Variants in PRICKLE1 observed in about 807,000 individuals in gnomAD.
The protein encoded by PRICKLE1 is prickle planar cell polarity protein 1.
PRICKLE1 carries 14 observed loss-of-function variants against 70.2 expected under a neutral mutation model. The observed-to-expected ratio is 0.20, with a 90% CI of 0.13 to 0.31. PRICKLE1 has a LOEUF of 0.31. PRICKLE1 is among the 10% of genes least tolerant of loss of function. The probability of loss-of-function intolerance (pLI) is 1.00; values close to 1 mark genes in which losing one functional copy is unlikely to be tolerated. For synonymous variants in PRICKLE1, 357 were observed against 379.9 expected (o/e 0.94, Z 0.70); for missense variants, 821 against 1,026.2 (o/e 0.80, Z 2.73).
At position 42,464,301 on chromosome 12, in the gene PRICKLE1, A is replaced by AT. The variant is rs1473818725; in HGVS notation, c.1639+93dup. 124 of 1,469,666 alleles carry AT rather than the reference A, an allele frequency of 8.4e-5. 1 individual carries two copies. The African/African-American group carries it at 1.5e-3, about 18-fold the overall frequency. The allele number at this position is 1,469,666 out of a possible 1,614,324, so 91.0% of individuals were successfully genotyped here. A position where few individuals can be genotyped will look rare whatever the true frequency, so the allele number is the denominator to read the frequency against. Reference sequence around the variant, plus strand: ...CTCCCATAGTGCTGGAATTATAGGCATGAGCCACTGCGCCTGGCTTGAATT... The same window carrying AT: ...CTCCCATAGTGCTGGAATTATAGGCATTGAGCCACTGCGCCTGGCTTGAATT... On this transcript the variant is annotated intron_variant, in intron 7 of 7. Transcript: ENST00000345127. The surrounding 1 kb of genome is among the most constrained non-coding windows in gnomAD (Gnocchi z 4.2).
chr12:42,477,054 C>G (rs143216207), intron 1 of PRICKLE1, among the ~76,000 whole-genome samples: 3 of 152,118 alleles, frequency 2.0e-5, no homozygotes, highest in Non-Finnish European at 4.4e-5. Flanking sequence ...ACAGTTCTTA[C>G]GCTTGTAAAA....
At chr12:42,472,100 C>T (rs954029747) in intron 2 of PRICKLE1, among the ~76,000 whole-genome samples, 1 of 152,178 alleles carries the variant, frequency 6.6e-6, no homozygotes, top group Non-Finnish European at 1.5e-5. Context: ...CCGAAATACA[C>T]ATAACCAATG....
intron 5 of PRICKLE1, among the ~76,000 whole-genome samples, chr12:42,468,044 CGTT>C (rs955961356): frequency 2.0e-5 from 3 of 152,042 alleles, no homozygotes; most frequent in African/African-American, 7.3e-5. Context: ...TTATGTAAGA[CGTT>C]AGTGTCAGGG....
chr12:42,589,375 G>T lies in PRICKLE1; in HGVS notation c.-49+90C>A, dbSNP rs1240622541. 6.6e-6 allele frequency: 1 copy of T among 152,336 alleles called. No individual in the cohort carries two copies. The highest frequency in any genetic ancestry group is 1.5e-5 in the Non-Finnish European group (1 of 68,172). 9.4% of individuals were successfully genotyped at this position (152,336 alleles called of 1,614,324 possible). On this transcript the variant is annotated intron_variant, in intron 1 of 7. Coordinates refer to ENST00000345127, the MANE Select transcript of PRICKLE1 (RefSeq NM_153026.3). This position sits in a 1 kb window ranked among gnomAD's most constrained non-coding sequence, Gnocchi z 5.0. ...ACAGACTCCGGCGGTGCCAGCGAAG[G>T]TGCCCGGCCCTACCCCTGCGGCGCT...
At chr12:42,576,403 A>G (rs1318811780) in intron 1 of PRICKLE1, among the ~76,000 whole-genome samples, 2 of 152,222 alleles carry the variant, frequency 1.3e-5, no homozygotes, top group Non-Finnish European at 2.9e-5. Flanking sequence ...CATACCCTGG[A>G]GCGCTAGCCT....
At chr12:42,462,446 C>A (rs1937884955) in intron 7 of PRICKLE1, among the ~76,000 whole-genome samples, 1 of 152,126 alleles carries the variant, frequency 6.6e-6, no homozygotes, top group South Asian at 2.1e-4. Flanking sequence ...GGTGATCCAC[C>A]TGCTTTGGGC....
chr12:42,523,199 C>T (rs1939743766), intron 1 of PRICKLE1, among the ~76,000 whole-genome samples: 1 of 152,180 alleles, frequency 6.6e-6, no homozygotes. Context: ...GAACTCCTGA[C>T]CTCATGATCC....
intron 6 of PRICKLE1, 75 bp downstream of exon 6, chr12:42,466,119 G>GA: frequency 6.6e-7 from 1 of 1,518,090 alleles, no homozygotes. Context: ...AACAGAAAAA[G>GA]AAAAAATAAG....
intron 1 of PRICKLE1, among the ~76,000 whole-genome samples, chr12:42,498,733 C>T (rs895135785): frequency 3.3e-5 from 5 of 152,236 alleles, no homozygotes; most frequent in Non-Finnish European, 7.3e-5. Flanking sequence ...TCCTCTAGCT[C>T]TGTCTCCATC....
intron 7 of PRICKLE1, 195 bp from the exon 8 acceptor site, chr12:42,460,860 G>T: frequency 1.5e-6 from 1 of 654,852 alleles, no homozygotes; most frequent in Non-Finnish European, 2.6e-6. Flanking sequence ...TATAAGGGGT[G>T]GGCACAGCCT....
intron 1 of PRICKLE1, among the ~76,000 whole-genome samples, chr12:42,514,902 T>TATCG (rs1555235192): frequency 4.1e-5 from 3 of 72,770 alleles, no homozygotes; most frequent in African/African-American, 8.5e-5. Context: ...TCTATCTATC[T>TATCG]ATCTATCTAT....
intron 1 of PRICKLE1, among the ~76,000 whole-genome samples, chr12:42,517,824 A>G (rs753511831): frequency 2.6e-5 from 4 of 152,102 alleles, no homozygotes; most frequent in Non-Finnish European, 4.4e-5. Context: ...GTACTTAACA[A>G]GAAAAGTGGG....
intron 1 of PRICKLE1, among the ~76,000 whole-genome samples, chr12:42,502,181 A>G (rs573196296): frequency 1.3e-5 from 2 of 151,638 alleles, no homozygotes; most frequent in African/African-American, 4.8e-5. Flanking sequence ...ACACACACAC[A>G]CCTATACATA....
chr12:42,559,633 TTTTGGGG>T (rs147198193), intron 1 of PRICKLE1, among the ~76,000 whole-genome samples: 6,127 of 109,554 alleles, frequency 0.056, 201 homozygotes, highest in African/African-American at 0.086. Context: ...TATTTTTTTT[TTTTGGGG>T]GGGGTAGAGA....
At chr12:42,485,550 T>C (rs898648718) in intron 1 of PRICKLE1, 2 of 152,204 alleles carry the variant, frequency 1.3e-5, no homozygotes, top group African/African-American at 4.8e-5. Flanking sequence ...TTTTTCCTAC[T>C]TCACTCTGTT....
intron 1 of PRICKLE1, among the ~76,000 whole-genome samples, chr12:42,569,700 A>G (rs1265021873): frequency 3.3e-5 from 5 of 152,230 alleles, no homozygotes; most frequent in Admixed American, 3.3e-4. Context: ...TTGCTGACCT[A>G]TGCAATTAAA....
At chr12:42,514,100 T>C (rs1939563705) in intron 1 of PRICKLE1, among the ~76,000 whole-genome samples, 2 of 152,330 alleles carry the variant, frequency 1.3e-5, no homozygotes, top group South Asian at 4.1e-4. Context: ...GCCCCAAGAC[T>C]ATAACCATCT....
intron 1 of PRICKLE1, among the ~76,000 whole-genome samples, chr12:42,566,103 T>G (rs1940617392): frequency 6.6e-6 from 1 of 152,040 alleles, no homozygotes; most frequent in Non-Finnish European, 1.5e-5. Context: ...AGAAGCACAT[T>G]TGGATCAAAG....
chr12:42,528,093 T>A (rs1939846571), intron 1 of PRICKLE1, among the ~76,000 whole-genome samples: 1 of 151,958 alleles, frequency 6.6e-6, no homozygotes, highest in South Asian at 2.1e-4. Context: ...TTTAACTTAC[T>A]TATTTGAGAC....
Sources: gnomAD v4.1 joint callset for allele counts (sites outside exome capture counted in the v4.1 genomes callset) on GRCh38, gnomAD v4.1.1 for gene constraint, Gnocchi (gnomAD v3.1) non-coding constraint, MANE v1.5 for transcripts, NCBI Gene and HGNC (gene_info 2026-07-23, HGNC 2026-07-21) for gene names.